The following PDSS2 variants were observed in gnomAD, a reference collection of about 807,000 sequenced individuals.
PDSS2 encodes all trans-polyprenyl-diphosphate synthase PDSS2.
Under a neutral mutation model 44.5 loss-of-function variants are expected in PDSS2, and 31 were observed. The ratio of observed to expected loss-of-function variants is 0.70; its 90% CI spans 0.52 to 0.94. PDSS2 has a LOEUF of 0.94. PDSS2 is among the 40% of genes least tolerant of loss of function. PDSS2 has a pLI of 0.00. For missense variants in PDSS2, 452 were observed against 482.2 expected, an observed-to-expected ratio of 0.94 and a Z score of 0.59; for synonymous variants, 157 against 180.3, an observed-to-expected ratio of 0.87 and a Z score of 1.03.
Position 107,234,390 on chromosome 6 carries a change from C to T in PDSS2, c.702+11158G>A, listed in dbSNP as rs534523769. On this transcript the variant is annotated intron_variant, in intron 4 of 7. Transcript: ENST00000369037. ...CCGGCTAATTTTGTATTTTTAGTAG[C>T]GACGGCGTTTCACCATGTTGGCCAG... Among the ~76,000 whole-genome samples the T allele has an allele frequency of 1.8e-3, 267 of 151,716 alleles. 2 individuals carry two copies. Among genetic ancestry groups the T allele is most frequent in the African/African-American group, 6.2e-3 (258 of 41,390 alleles).
chr6:107,352,291 C>A (rs537332911), intron 1 of PDSS2, among the ~76,000 whole-genome samples: 172 of 152,282 alleles, frequency 1.1e-3, no homozygotes, highest in South Asian at 2.3e-3. Flanking sequence ...AATATTCCTA[C>A]ACAAGTCAGC....
chr6:107,319,993 C>T (rs1261578359), intron 2 of PDSS2, among the ~76,000 whole-genome samples: 1 of 152,176 alleles, frequency 6.6e-6, no homozygotes, highest in African/African-American at 2.4e-5. Context: ...AAGTATCCTT[C>T]CACTGTTGCC....
chr6:107,274,667 C>CTTTTTTTTTTTTTT (rs5878910), intron 2 of PDSS2, among the ~76,000 whole-genome samples: 1 of 106,556 alleles, frequency 9.4e-6, no homozygotes. Flanking sequence ...ATCTCTCTCT[C>CTTTTTTTTTTTTTT]TTTTTTTTTT....
At chr6:107,210,693 T>C (rs1262450083) in intron 5 of PDSS2, 123 bp from the exon 6 acceptor site, 1 of 686,002 alleles carries the variant, frequency 1.5e-6, no homozygotes, top group African/African-American at 1.8e-5. Flanking sequence ...AGTTTTTAGA[T>C]ATACTTTAAT....
At chr6:107,263,582 C>T (rs1351775059) in intron 3 of PDSS2, among the ~76,000 whole-genome samples, 1 of 152,120 alleles carries the variant, frequency 6.6e-6, no homozygotes, top group Non-Finnish European at 1.5e-5. Context: ...GGCATTTAAC[C>T]TTCCTGTGCC....
chr6:107,367,636 A>G (rs1280455385), intron 1 of PDSS2, among the ~76,000 whole-genome samples: 3 of 152,076 alleles, frequency 2.0e-5, no homozygotes, highest in Non-Finnish European at 4.4e-5. Flanking sequence ...ATACAAAAAA[A>G]TTAGCCAGGT....
intron 7 of PDSS2, among the ~76,000 whole-genome samples, chr6:107,179,795 G>GT (rs1251334406): frequency 6.6e-6 from 1 of 152,182 alleles, no homozygotes; most frequent in East Asian, 1.9e-4. Context: ...CTCTGATGTG[G>GT]TAAGTGGGGA....
intron 7 of PDSS2, among the ~76,000 whole-genome samples, chr6:107,190,240 T>C (rs1011554103): frequency 6.6e-6 from 1 of 152,186 alleles, no homozygotes; most frequent in Non-Finnish European, 1.5e-5. Flanking sequence ...TCCTAAGCAA[T>C]CTTCTTAACC....
At chr6:107,455,800 G>A (rs1199940940) in intron 1 of PDSS2, among the ~76,000 whole-genome samples, 2 of 135,190 alleles carry the variant, frequency 1.5e-5, no homozygotes, top group Admixed American at 7.6e-5. Context: ...AAATCTCTTA[G>A]TTCTAGTGTT....
At chr6:107,175,493 C>T (rs1771756552) in intron 7 of PDSS2, among the ~76,000 whole-genome samples, 1 of 152,174 alleles carries the variant, frequency 6.6e-6, no homozygotes, top group Non-Finnish European at 1.5e-5. Flanking sequence ...ATAACACATA[C>T]CTATATCGCT....
intron 2 of PDSS2, among the ~76,000 whole-genome samples, chr6:107,324,968 T>C (rs1051762339): frequency 3.9e-5 from 6 of 152,128 alleles, no homozygotes; most frequent in Admixed American, 2.0e-4. Flanking sequence ...AGATGCTAAT[T>C]AGTACCACAT....
rs184049462 is a variant in PDSS2, at chr6:107,371,314, C to A, written c.297-36982G>T. Among the ~76,000 whole-genome samples the A allele has an allele frequency of 7.9e-5, 12 of 152,284 alleles. 1 individual carries two copies. In the East Asian group the frequency reaches 2.3e-3, roughly 29 times the overall value. ...TCAACTCAAAGAAGTGGACAAACTT[C>A]TTTTCACCAAAGGATTGGGGTACTC... On this transcript the variant is annotated intron_variant, in intron 1 of 7. Transcript: ENST00000369037.
chr6:107,299,180 T>C (rs1408641321), intron 2 of PDSS2, among the ~76,000 whole-genome samples: 13 of 107,068 alleles, frequency 1.2e-4, no homozygotes, highest in Admixed American at 1.1e-3. Context: ...GAAACAAACA[T>C]ATACCAAATA....
At chr6:107,186,569 G>GC (rs1418986193) in intron 7 of PDSS2, among the ~76,000 whole-genome samples, 1 of 151,990 alleles carries the variant, frequency 6.6e-6, no homozygotes, top group Non-Finnish European at 1.5e-5. Flanking sequence ...ATGGTGGTTT[G>GC]TGCACCTATT....
At chr6:107,224,090 G>A (rs1217059967) in intron 4 of PDSS2, among the ~76,000 whole-genome samples, 1 of 151,248 alleles carries the variant, frequency 6.6e-6, no homozygotes, top group Non-Finnish European at 1.5e-5. Context: ...GTTTCATCCC[G>A]AAACCATCCC....
In PDSS2 at chr6:107,437,516, C is replaced by A. The variant is rs112646764; in HGVS notation, c.296+21474G>T. Among the ~76,000 whole-genome samples the A allele has an allele frequency of 5.0e-5, 6 of 120,840 alleles. No homozygotes were observed. The East Asian group carries it at 1.4e-3, about 28-fold the overall frequency. 79.3% of individuals were successfully genotyped at this position (120,840 alleles called of 152,430 possible). A position where few individuals can be genotyped will look rare whatever the true frequency, so the allele number is the denominator to read the frequency against. ...CTCCAGCCTAGGAGACAGAGTGAGACCCTGTCTCCAAAAAAAAAAAAAAAA... is the reference window on the plus strand; with the variant it reads ...CTCCAGCCTAGGAGACAGAGTGAGAACCTGTCTCCAAAAAAAAAAAAAAAA... On this transcript the variant is annotated intron_variant, in intron 1 of 7. Transcript: ENST00000369037.
chr6:107,208,076 T>A (rs1037621820), intron 6 of PDSS2, among the ~76,000 whole-genome samples: 1 of 139,452 alleles, frequency 7.2e-6, no homozygotes, highest in Non-Finnish European at 1.5e-5. Flanking sequence ...AACCTCTGCA[T>A]CCTGGGTTCA....
intron 7 of PDSS2, among the ~76,000 whole-genome samples, chr6:107,159,329 GAGGA>G (rs1255465833): frequency 4.5e-5 from 6 of 134,388 alleles, no homozygotes; most frequent in East Asian, 2.5e-4. Flanking sequence ...GGGAGGGAAG[GAGGA>G]AGGAAGGAAG....
chr6:107,402,248 C>A (rs1243647799), intron 1 of PDSS2, among the ~76,000 whole-genome samples: 1 of 150,758 alleles, frequency 6.6e-6, no homozygotes, highest in East Asian at 2.0e-4. Context: ...CCATTACACT[C>A]CAGCCTGGTG....
Sources: allele counts gnomAD v4.1 joint callset (sites outside exome capture counted in the v4.1 genomes callset), GRCh38; gene constraint gnomAD v4.1.1; transcripts MANE v1.5; gene names NCBI Gene and HGNC (gene_info 2026-07-23, HGNC 2026-07-21).